The following SYNJ2BP variants were observed in gnomAD, a reference collection of about 807,000 sequenced individuals.
SYNJ2BP encodes synaptojanin-2-binding protein.
In SYNJ2BP, 10 loss-of-function variants were observed where a neutral mutation model predicts 16.9. That is an observed-to-expected ratio of 0.59 (90% CI 0.36 to 1.00). The LOEUF (loss-of-function observed/expected upper bound fraction) is 1.00. Among genes scored for constraint, SYNJ2BP ranks in the 50% least tolerant of loss-of-function variants. The pLI is 0.01. For synonymous variants in SYNJ2BP, 54 were observed against 68.4 expected, an observed-to-expected ratio of 0.79 and a Z score of 1.04; for missense variants, 162 against 186.7, an observed-to-expected ratio of 0.87 and a Z score of 0.77.
At chr14:70,393,997 A>T (rs1216107986) in intron 1 of SYNJ2BP, among the ~76,000 whole-genome samples, 1 of 148,972 alleles carries the variant, frequency 6.7e-6, no homozygotes, top group Non-Finnish European at 1.5e-5. Flanking sequence ...AAACCAAAGG[A>T]AAAAAAAAAG....
intron 1 of SYNJ2BP, among the ~76,000 whole-genome samples, chr14:70,394,850 ATTTTTCAAAGAG>A (rs987123450): frequency 6.6e-6 from 1 of 152,138 alleles, no homozygotes; most frequent in Non-Finnish European, 1.5e-5. Context: ...ACAAGTACTC[ATTTTTCAAAGAG>A]TTTAAAAGGT....
intron 1 of SYNJ2BP, among the ~76,000 whole-genome samples, chr14:70,394,007 G>T (rs1245745156): frequency 8.8e-6 from 1 of 113,720 alleles, no homozygotes; most frequent in Non-Finnish European, 1.9e-5. Flanking sequence ...AAAAAAAAAA[G>T]ATCCTTAATA....
chr14:70,372,987 T>C lies in SYNJ2BP; in HGVS notation c.*4A>G. On this transcript the variant is annotated 3_prime_UTR_variant, in exon 4 of 4. Coordinates refer to ENST00000256366, the MANE Select transcript of SYNJ2BP (RefSeq NM_018373.3). ...ATTGGGAGTATTGAAAGAGAGCAAG[T>C]TTTTCAAAGTTGTTGCCGGTATCTC... is the stretch of plus-strand genomic sequence containing the variant. The C allele has an allele frequency of 6.2e-7, 1 of 1,613,772 alleles. No individual in the cohort carries two copies.
At position 70,415,287 on chromosome 14, in the gene SYNJ2BP, G is replaced by A. The variant is rs191492566; in HGVS notation, c.64+1613C>T. ...AGGCAGGGCACAGTGGCTCACACCC[G>A]TAATCCCAGCACTTTGGGAGGCAGA... On this transcript the variant is annotated intron_variant, in intron 1 of 3. Transcript: ENST00000256366. 3.8e-4 allele frequency among the ~76,000 whole-genome samples: 58 copies of A among 152,010 alleles called. 1 individual carries two copies. In the East Asian group the frequency reaches 8.7e-3, roughly 23 times the overall value.
chr14:70,405,743 A>T (rs972253423), intron 1 of SYNJ2BP, among the ~76,000 whole-genome samples: 1 of 152,216 alleles, frequency 6.6e-6, no homozygotes, highest in Non-Finnish European at 1.5e-5. Flanking sequence ...CAAAGGTAGA[A>T]TATGGTTCTC....
At position 70,368,218 on chromosome 14, in the gene SYNJ2BP, G is replaced by C. The variant is rs1272162504; in HGVS notation, c.*4773C>G. On this transcript the variant is annotated 3_prime_UTR_variant, in exon 4 of 4. Coordinates refer to ENST00000256366, the MANE Select transcript of SYNJ2BP (RefSeq NM_018373.3). The stretch of plus-strand genomic sequence containing the variant: ...TAACTCATCTGATTGGATTTGATAT[G>C]AGATCATTCTCAGATTGTTCTGTGG... 6 of 151,990 alleles carry C rather than the reference G, an allele frequency of 3.9e-5. No homozygotes were observed. In the East Asian group the frequency reaches 7.7e-4, roughly 20 times the overall value. The allele number at this position is 151,990 out of a possible 1,614,324, so 9.4% of individuals were successfully genotyped here.
intron 2 of SYNJ2BP, among the ~76,000 whole-genome samples, chr14:70,381,311 C>A (rs1004004623): frequency 3.3e-5 from 5 of 152,162 alleles, no homozygotes; most frequent in African/African-American, 1.2e-4. Context: ...TAAAGGTATT[C>A]TAATTTAAGA....
intron 1 of SYNJ2BP, among the ~76,000 whole-genome samples, chr14:70,408,448 A>G (rs11158860): frequency 0.052 from 7,953 of 152,226 alleles, 270 homozygotes; most frequent in Middle Eastern, 0.099. Flanking sequence ...AGATGGGTGG[A>G]TCACCTGAGA....
At position 70,369,204 on chromosome 14, in the gene SYNJ2BP, C is replaced by T. The variant is rs1462249347; in HGVS notation, c.*3787G>A. ...CAATCACGGCTCACTGCACCTCAGT[C>T]TCCTGGGCTCAAGCAATCCTCCCGT... On this transcript the variant is annotated 3_prime_UTR_variant, in exon 4 of 4. Coordinates refer to ENST00000256366, the MANE Select transcript of SYNJ2BP (RefSeq NM_018373.3). The T allele has an allele frequency of 6.6e-6, 1 of 152,210 alleles. No homozygotes were observed. The highest frequency in any genetic ancestry group is 1.5e-5 in the Non-Finnish European group (1 of 68,072). 9.4% of individuals were successfully genotyped at this position (152,210 alleles called of 1,614,324 possible).
chr14:70,407,884 C>T (rs115230640), intron 1 of SYNJ2BP, among the ~76,000 whole-genome samples: 3,401 of 152,280 alleles, frequency 0.022, 112 homozygotes, highest in African/African-American at 0.077. Context: ...TGTCTCATTA[C>T]CCTATTGCAA....
chr14:70,390,382 C>T (rs371671782), intron 1 of SYNJ2BP, among the ~76,000 whole-genome samples: 25 of 152,110 alleles, frequency 1.6e-4, no homozygotes, highest in African/African-American at 6.0e-4. Context: ...GAGACATATG[C>T]GGGGGGCCGG....
chr14:70,391,107 AGAGT>A (rs2140837881), intron 1 of SYNJ2BP, among the ~76,000 whole-genome samples: 1 of 152,336 alleles, frequency 6.6e-6, no homozygotes, highest in South Asian at 2.1e-4. Flanking sequence ...CCAGGGTGAC[AGAGT>A]GAGACCCCCA....
At chr14:70,374,959 T>TA (rs3079120) in intron 3 of SYNJ2BP, among the ~76,000 whole-genome samples, 12 of 143,684 alleles carry the variant, frequency 8.4e-5, no homozygotes, top group Admixed American at 1.4e-4. Context: ...TTATTATTAT[T>TA]TTTTTAAGAG....
chr14:70,399,320 C>A (rs1019505532), intron 1 of SYNJ2BP, among the ~76,000 whole-genome samples: 2 of 152,328 alleles, frequency 1.3e-5, no homozygotes, highest in East Asian at 3.9e-4. Flanking sequence ...CATAGCGCAG[C>A]CCCCAGGGCA....
At chr14:70,382,777 T>G (rs1594945014) in intron 2 of SYNJ2BP, among the ~76,000 whole-genome samples, 1 of 152,250 alleles carries the variant, frequency 6.6e-6, no homozygotes, top group African/African-American at 2.4e-5. Flanking sequence ...AGTTAACTGA[T>G]GAGGAAACAT....
intron 2 of SYNJ2BP, among the ~76,000 whole-genome samples, chr14:70,387,830 C>CA (rs1224467128): frequency 0.021 from 2,028 of 98,164 alleles, 29 homozygotes; most frequent in African/African-American, 0.049. Context: ...GAATCTATCT[C>CA]AAAAAAAAAA....
chr14:70,373,438 G>A (rs1274130201), intron 3 of SYNJ2BP, among the ~76,000 whole-genome samples: 1 of 152,142 alleles, frequency 6.6e-6, no homozygotes, highest in Non-Finnish European at 1.5e-5. Flanking sequence ...ATCGTATCAG[G>A]AAAATGAAGA....
chr14:70,380,801 G>A (rs186509404), intron 2 of SYNJ2BP, among the ~76,000 whole-genome samples: 15 of 152,042 alleles, frequency 9.9e-5, no homozygotes, highest in Admixed American at 9.8e-4. Context: ...GGCCTTTCTA[G>A]ATAACGTCAC....
At position 70,373,056 on chromosome 14, in the gene SYNJ2BP, C is replaced by A; in HGVS notation, c.373G>T (p.Val125Leu). The change falls in exon 4 of 4, where the codon GTG becomes TTG. Residue 125 changes from valine (V) to leucine (L), a missense_variant. Coordinates refer to ENST00000256366, the MANE Select transcript of SYNJ2BP (RefSeq NM_018373.3). Reference sequence around the variant, plus strand: ...ACCATGGTGAGGGCAAACACTGGCACCAGCACCATAAATATGGGAATACCA... The same window carrying A: ...ACCATGGTGAGGGCAAACACTGGCAACAGCACCATAAATATGGGAATACCA... ...PSGIPIFMVL[V>L]PVFALTMVAA... 2 of 1,614,118 alleles carry A rather than the reference C, an allele frequency of 1.2e-6. No homozygotes were observed. The highest frequency in any genetic ancestry group is 1.3e-5 in the African/African-American group (1 of 75,024).
Sources: gnomAD v4.1 joint callset for allele counts (sites outside exome capture counted in the v4.1 genomes callset) on GRCh38, gnomAD v4.1.1 for gene constraint, MANE v1.5 for transcripts, NCBI Gene and HGNC (gene_info 2026-07-23, HGNC 2026-07-21) for gene names.